JMY: variants seen among roughly 807,000 people sequenced by gnomAD.
The protein encoded by JMY is junction mediating and regulatory protein, p53 cofactor, also known as junction-mediating and -regulatory protein.
In JMY, 46 loss-of-function variants were observed where a neutral mutation model predicts 103.3. The observed-to-expected ratio is 0.45, with a 90% confidence interval of 0.35 to 0.57. JMY has a LOEUF of 0.57. Among genes scored for constraint, JMY ranks in the 20% least tolerant of loss-of-function variants. The pLI is 0.00. For synonymous variants in JMY, 526 were observed against 489.3 expected, an observed-to-expected ratio of 1.07 and a Z score of -0.99; for missense variants, 1,238 against 1,255.2, an observed-to-expected ratio of 0.99 and a Z score of 0.21.
chr5:79,264,242 C>T (rs1392524452), intron 1 of JMY, among the ~76,000 whole-genome samples: 1 of 145,752 alleles, frequency 6.9e-6, no homozygotes, highest in African/African-American at 2.4e-5. Flanking sequence ...TGTGCCACCA[C>T]ACCTGGCTAA....
chr5:79,278,550 AG>A (rs1219243652), intron 2 of JMY, among the ~76,000 whole-genome samples: 1 of 130,252 alleles, frequency 7.7e-6, no homozygotes, highest in Non-Finnish European at 1.6e-5. Context: ...TCCGAGCTTG[AG>A]ACCAGCCTGG....
intron 1 of JMY, among the ~76,000 whole-genome samples, chr5:79,274,728 G>C (rs1745889155): frequency 1.3e-5 from 2 of 152,066 alleles, no homozygotes; most frequent in South Asian, 4.2e-4. Flanking sequence ...TTTGATGACT[G>C]AGTTTTGTTT....
At chr5:79,260,341 C>T (rs950184316) in intron 1 of JMY, among the ~76,000 whole-genome samples, 3 of 152,164 alleles carry the variant, frequency 2.0e-5, no homozygotes, top group Admixed American at 1.3e-4. Context: ...CCACCACTGC[C>T]GCTCCCACAG....
intron 2 of JMY, among the ~76,000 whole-genome samples, chr5:79,285,209 T>G (rs921302384): frequency 1.3e-5 from 2 of 152,186 alleles, no homozygotes; most frequent in Non-Finnish European, 2.9e-5. Context: ...TGAATGTGCA[T>G]TTCATTCTTA....
chr5:79,240,631 C>T (rs1744709715), intron 1 of JMY, among the ~76,000 whole-genome samples: 3 of 152,094 alleles, frequency 2.0e-5, no homozygotes, highest in Admixed American at 2.0e-4. Flanking sequence ...GAAAAATAGC[C>T]ATCAAGGACA....
chr5:79,318,091 T>TTGGGAG, intron 10 of JMY, among the ~76,000 whole-genome samples: 1 of 152,070 alleles, frequency 6.6e-6, no homozygotes, highest in East Asian at 1.9e-4. Flanking sequence ...AAGCTCCACC[T>TTGGGAG]CGTGGGTTCA....
At chr5:79,316,516 A>G (rs755085693) in intron 10 of JMY, among the ~76,000 whole-genome samples, 1 of 152,134 alleles carries the variant, frequency 6.6e-6, no homozygotes, top group African/African-American at 2.4e-5. Flanking sequence ...GATTATTGCT[A>G]TGTAAATACT....
intron 2 of JMY, among the ~76,000 whole-genome samples, chr5:79,278,381 T>G (rs1326957065): frequency 1.3e-5 from 2 of 151,894 alleles, no homozygotes; most frequent in East Asian, 3.9e-4. Context: ...CTCCCTTTCC[T>G]GCACTTTCCT....
chr5:79,287,349 C>G (rs1457495352), intron 2 of JMY, among the ~76,000 whole-genome samples: 1 of 152,178 alleles, frequency 6.6e-6, no homozygotes, highest in Non-Finnish European at 1.5e-5. Flanking sequence ...GAAGGATGAA[C>G]TTGGAGATGA....
At chr5:79,283,148 A>G (rs1433446551) in intron 2 of JMY, among the ~76,000 whole-genome samples, 1 of 151,826 alleles carries the variant, frequency 6.6e-6, no homozygotes, top group Non-Finnish European at 1.5e-5. Flanking sequence ...ATGTGCCGCA[A>G]TGCCTGGCTA....
chr5:79,267,148 A>G (rs1433614465), intron 1 of JMY, among the ~76,000 whole-genome samples: 1 of 152,192 alleles, frequency 6.6e-6, no homozygotes, highest in Non-Finnish European at 1.5e-5. Flanking sequence ...ATTTGTTATA[A>G]TTTATGAACC....
rs1008233011 is a variant in JMY, at chr5:79,291,006, G to A, written c.1358-124G>A. 4.1e-5 allele frequency: 27 copies of A among 651,776 alleles called. No individual in the cohort carries two copies. In the African/African-American group the frequency reaches 4.3e-4, roughly 10 times the overall value. 40.4% of individuals were successfully genotyped at this position (651,776 alleles called of 1,614,324 possible). ...TCTCATAAAAGAAAAAAAGAAAAAA[G>A]TTATAAGCAGTTTATCATGACAGCA... On this transcript the variant is annotated intron_variant, in intron 3 of 10. Coordinates refer to ENST00000396137, the MANE Select transcript of JMY (RefSeq NM_152405.5).
chr5:79,295,085 A>G (rs1294319403), intron 4 of JMY, among the ~76,000 whole-genome samples: 1 of 152,160 alleles, frequency 6.6e-6, no homozygotes, highest in Non-Finnish European at 1.5e-5. Flanking sequence ...TTCAGTTTTA[A>G]TTCGTCAAGT....
chr5:79,238,683 C>A (rs144295379), intron 1 of JMY, among the ~76,000 whole-genome samples: 1 of 119,198 alleles, frequency 8.4e-6, no homozygotes, highest in African/African-American at 2.8e-5. Flanking sequence ...AGTTTTGCTC[C>A]GTCTCCCAGG....
chr5:79,300,811 A>C lies in JMY; in HGVS notation c.1829A>C (p.Glu610Ala). The change falls in exon 6 of 11, where the codon GAA (glutamate) becomes GCA (alanine). Residue 610 changes from glutamate (E) to alanine (A), a missense_variant. By Grantham distance (107) the Glu-to-Ala change is moderately radical. Coordinates refer to ENST00000396137, the MANE Select transcript of JMY (RefSeq NM_152405.5). ...QKLQQKARQL[E>A]ARRGRVSAKK... ...CTTCAGCAGAAAGCACGCCAGCTGGAAGCAAGACGTGGACGGGTTTCTGCC... is the reference window on the plus strand; with the variant it reads ...CTTCAGCAGAAAGCACGCCAGCTGGCAGCAAGACGTGGACGGGTTTCTGCC... The C allele has an allele frequency of 6.2e-7, 1 of 1,609,894 alleles. No homozygotes were observed. Among genetic ancestry groups the C allele is most frequent in the Non-Finnish European group, 8.5e-7 (1 of 1,178,654 alleles).
In JMY at chr5:79,277,955, G is replaced by C. The variant is rs35345418; in HGVS notation, c.1078G>C (p.Asp360His). Residue 360 changes from aspartate to histidine, a missense_variant, in exon 2 of 11, where the codon GAC (aspartate) becomes CAC (histidine). By Grantham distance (81) the Asp-to-His change is moderately conservative (BLOSUM62 -1). Coordinates refer to ENST00000396137, the MANE Select transcript of JMY (RefSeq NM_152405.5). ...KNTESMVELL[D>H]LYQMEDEAYS... Reference sequence around the variant, plus strand: ...TACAGAGAGCATGGTGGAGCTTCTGGACTTGTATCAGATGGAGGATGAAGC... The same window carrying C: ...TACAGAGAGCATGGTGGAGCTTCTGCACTTGTATCAGATGGAGGATGAAGC... The C allele has an allele frequency of 3.7e-6, 6 of 1,613,880 alleles. No homozygotes were observed. Among genetic ancestry groups the C allele is most frequent in the African/African-American group, 1.3e-5 (1 of 74,898 alleles).
At chr5:79,249,259 C>T (rs753858846) in intron 1 of JMY, among the ~76,000 whole-genome samples, 6 of 151,802 alleles carry the variant, frequency 4.0e-5, no homozygotes, top group Non-Finnish European at 5.9e-5. Flanking sequence ...TGAGCTCAAG[C>T]AGTCCTCCTG....
chr5:79,263,344 C>G (rs1460907537), intron 1 of JMY, among the ~76,000 whole-genome samples: 3 of 152,184 alleles, frequency 2.0e-5, no homozygotes, highest in South Asian at 2.1e-4. Flanking sequence ...CGAGAAGACT[C>G]AGACCCAAGT....
chr5:79,271,834 G>A (rs1021011703), intron 1 of JMY, among the ~76,000 whole-genome samples: 5 of 152,104 alleles, frequency 3.3e-5, no homozygotes, highest in Admixed American at 1.3e-4. Flanking sequence ...TGGGCTGGGC[G>A]CAGTGGCTCA....
Sources: allele counts gnomAD v4.1 joint callset (sites outside exome capture counted in the v4.1 genomes callset), GRCh38; gene constraint gnomAD v4.1.1; transcripts MANE v1.5; gene names NCBI Gene and HGNC (gene_info 2026-07-23, HGNC 2026-07-21).